The following RAB3B variants were observed in gnomAD, a reference collection of about 807,000 sequenced individuals.
The protein encoded by RAB3B is RAB3B, member RAS oncogene family, also known as ras-related protein Rab-3B.
RAB3B carries 11 observed loss-of-function variants against 20.5 expected under a neutral mutation model. That is an observed-to-expected ratio of 0.54 (90% CI 0.34 to 0.89). The LOEUF (loss-of-function observed/expected upper bound fraction) is 0.89. RAB3B is among the 40% of genes least tolerant of loss of function. RAB3B has a pLI of 0.02. For missense variants in RAB3B, 225 were observed against 280.9 expected (o/e 0.80, Z 1.42); for synonymous variants, 99 against 106.3 (o/e 0.93, Z 0.42).
Position 51,916,700 on chromosome 1 carries a change from T to A in RAB3B, c.*3227A>T, listed in dbSNP as rs1684090919. 1 of 152,220 alleles carries A rather than the reference T, an allele frequency of 6.6e-6. No homozygotes were observed. The highest frequency in any genetic ancestry group is 2.4e-5 in the African/African-American group (1 of 41,464). The allele number at this position is 152,220 out of a possible 1,614,324, so 9.4% of individuals were successfully genotyped here. A position where few individuals can be genotyped will look rare whatever the true frequency, so the allele number is the denominator to read the frequency against. ...ATAAGTGTTGCCTGGCAGAGGCAGA[T>A]ACAGGGAAAGCCAGCACTTGGGACT... On this transcript the variant is annotated 3_prime_UTR_variant, in exon 5 of 5. Transcript: ENST00000371655.
chr1:51,918,516 G>A lies in RAB3B; in HGVS notation c.*1411C>T, dbSNP rs1399757232. On this transcript the variant is annotated 3_prime_UTR_variant, in exon 5 of 5. Transcript: ENST00000371655. ...TGTGAAGTCTCTGACAGCAGAGCTG[G>A]TACCAACAGGGAGGGAAGAAGAAGA... The A allele has an allele frequency of 6.6e-6, 1 of 152,232 alleles. No homozygotes were observed. Among genetic ancestry groups the A allele is most frequent in the Non-Finnish European group, 1.5e-5 (1 of 68,070 alleles). 9.4% of individuals were successfully genotyped at this position (152,232 alleles called of 1,614,324 possible). A position where few individuals can be genotyped will look rare whatever the true frequency, so the allele number is the denominator to read the frequency against.
At chr1:51,955,895 C>T (rs538654465) in intron 2 of RAB3B, among the ~76,000 whole-genome samples, 9 of 152,122 alleles carry the variant, frequency 5.9e-5, no homozygotes, top group South Asian at 2.1e-4. Context: ...CCATAGCAGA[C>T]GAGTCCCCTG....
At chr1:51,967,817 G>C (rs1260571243) in intron 2 of RAB3B, among the ~76,000 whole-genome samples, 1 of 151,742 alleles carries the variant, frequency 6.6e-6, no homozygotes, top group African/African-American at 2.4e-5. Context: ...CGCCCAACCA[G>C]GTCTTTTATA....
intron 2 of RAB3B, among the ~76,000 whole-genome samples, chr1:51,945,042 AC>A (rs957934187): frequency 6.6e-6 from 1 of 152,156 alleles, no homozygotes; most frequent in African/African-American, 2.4e-5. Flanking sequence ...TGCCACAGCC[AC>A]CCCAGTCTTC....
In RAB3B at chr1:51,917,797, T is replaced by A. The variant is rs1326554834; in HGVS notation, c.*2130A>T. 3 of 152,280 alleles carry A rather than the reference T, an allele frequency of 2.0e-5. No homozygotes were observed. Among genetic ancestry groups the A allele is most frequent in the African/African-American group, 7.2e-5 (3 of 41,424 alleles). The allele number at this position is 152,280 out of a possible 1,614,324, so 9.4% of individuals were successfully genotyped here. On this transcript the variant is annotated 3_prime_UTR_variant, in exon 5 of 5. Coordinates refer to ENST00000371655, the MANE Select transcript of RAB3B (RefSeq NM_002867.4). ...TCAAACTCCTGGCCTCAAGTGTTCC[T>A]CCTGCCTTGGCTTTCCAAAGTGCTG...
intron 2 of RAB3B, among the ~76,000 whole-genome samples, chr1:51,966,030 G>A (rs1227398647): frequency 2.6e-5 from 4 of 152,178 alleles, no homozygotes; most frequent in Non-Finnish European, 5.9e-5. Flanking sequence ...CAATGTGTGC[G>A]TGCCTGGTGT....
At chr1:51,920,246 G>T (rs1436130691) in intron 4 of RAB3B, 132 bp from the exon 5 acceptor site, 4 of 744,032 alleles carry the variant, frequency 5.4e-6, no homozygotes, top group African/African-American at 5.3e-5. Context: ...TAAATTCCAC[G>T]GACATGGGAT....
chr1:51,913,041 A>G lies in RAB3B; in HGVS notation c.*6886T>C, dbSNP rs370233887. 5 of 152,154 alleles carry G rather than the reference A, an allele frequency of 3.3e-5. No homozygotes were observed. Among genetic ancestry groups the G allele is most frequent in the East Asian group, 1.9e-4 (1 of 5,196 alleles). 9.4% of individuals were successfully genotyped at this position (152,154 alleles called of 1,614,324 possible). Reference sequence around the variant, plus strand: ...AAGTACAGTTAGAACAGAAGGCCCAACTGTTCTTGGAGCCATCTTTTCTAT... The same window carrying G: ...AAGTACAGTTAGAACAGAAGGCCCAGCTGTTCTTGGAGCCATCTTTTCTAT... On this transcript the variant is annotated 3_prime_UTR_variant, in exon 5 of 5. Transcript: ENST00000371655.
At chr1:51,929,313 GC>G (rs2124243912) in intron 4 of RAB3B, among the ~76,000 whole-genome samples, 1 of 152,114 alleles carries the variant, frequency 6.6e-6, no homozygotes, top group South Asian at 2.1e-4. Flanking sequence ...AGTTACAGGA[GC>G]TAATACATTC....
In RAB3B at chr1:51,919,889, G is replaced by C. The variant is rs750972957; in HGVS notation, c.*38C>G. On this transcript the variant is annotated 3_prime_UTR_variant, in exon 5 of 5. Transcript: ENST00000371655. Reference sequence around the variant, plus strand: ...AACAGGGAGAAGCAGACTGGGTGTGGGGCCACAATGAGGGGAGGTCAGGAA... The same window carrying C: ...AACAGGGAGAAGCAGACTGGGTGTGCGGCCACAATGAGGGGAGGTCAGGAA... The C allele has an allele frequency of 1.0e-5, 16 of 1,580,400 alleles. No homozygotes were observed. Among genetic ancestry groups the C allele is most frequent in the Non-Finnish European group, 1.3e-5 (15 of 1,158,846 alleles).
At chr1:51,943,420 A>G (rs1442958597) in intron 2 of RAB3B, among the ~76,000 whole-genome samples, 1 of 46,096 alleles carries the variant, frequency 2.2e-5, no homozygotes, top group Non-Finnish European at 7.0e-5. Flanking sequence ...AACAACAACA[A>G]CAACACCACA....
chr1:51,968,239 C>A (rs1457382655), intron 2 of RAB3B, among the ~76,000 whole-genome samples: 1 of 152,140 alleles, frequency 6.6e-6, no homozygotes, highest in Admixed American at 6.5e-5. Context: ...TTCCGACCTC[C>A]AGAACTGTGA....
intron 3 of RAB3B, among the ~76,000 whole-genome samples, chr1:51,934,039 C>T (rs1035865712): frequency 2.0e-5 from 3 of 152,212 alleles, no homozygotes; most frequent in African/African-American, 7.2e-5. Flanking sequence ...CCTCTCCTCA[C>T]TGGGCAGAGA....
chr1:51,989,720 G>A (rs917671572), intron 1 of RAB3B, among the ~76,000 whole-genome samples: 2 of 151,666 alleles, frequency 1.3e-5, no homozygotes, highest in African/African-American at 4.8e-5. Context: ...GTCTCCACCG[G>A]CTCCCTGCCC....
chr1:51,981,974 A>T (rs1425639782), intron 1 of RAB3B, among the ~76,000 whole-genome samples: 3 of 152,158 alleles, frequency 2.0e-5, no homozygotes, highest in Admixed American at 6.6e-5. Context: ...TTTAGAGTGT[A>T]CTTTTTCTAT....
intron 4 of RAB3B, among the ~76,000 whole-genome samples, chr1:51,929,630 T>A (rs886495988): frequency 4.6e-5 from 7 of 152,190 alleles, no homozygotes; most frequent in Non-Finnish European, 1.0e-4. Flanking sequence ...CTATTTTTTT[T>A]ATTAAAGCTA....
chr1:51,969,182 A>G (rs778796972), intron 2 of RAB3B, among the ~76,000 whole-genome samples: 2 of 152,216 alleles, frequency 1.3e-5, no homozygotes, highest in African/African-American at 2.4e-5. Flanking sequence ...CTATAGTCCC[A>G]GCTACTGGTG....
At chr1:51,987,063 G>C (rs1035945438) in intron 1 of RAB3B, among the ~76,000 whole-genome samples, 2 of 152,218 alleles carry the variant, frequency 1.3e-5, no homozygotes, top group African/African-American at 4.8e-5. Flanking sequence ...AGTCGTCCCT[G>C]TCCCAGGCTG....
intron 1 of RAB3B, among the ~76,000 whole-genome samples, chr1:51,989,205 GTT>G (rs1467354255): frequency 1.1e-5 from 1 of 91,300 alleles, no homozygotes; most frequent in Admixed American, 1.1e-4. Context: ...GGCCCATCTT[GTT>G]TTGTGTGTGT....
Sources: gnomAD v4.1 joint callset for allele counts (sites outside exome capture counted in the v4.1 genomes callset) on GRCh38, gnomAD v4.1.1 for gene constraint, MANE v1.5 for transcripts, NCBI Gene and HGNC (gene_info 2026-07-23, HGNC 2026-07-21) for gene names.